SPAG16: variants seen among roughly 807,000 people sequenced by gnomAD.
SPAG16 encodes the protein sperm-associated antigen 16 protein.
In SPAG16, 86 loss-of-function variants were observed where a neutral mutation model predicts 80.4. The ratio of observed to expected loss-of-function variants is 1.07; its 90% CI spans 0.90 to 1.28. The LOEUF (loss-of-function observed/expected upper bound fraction) is 1.28. Ranked by LOEUF, SPAG16 falls within the 50% of genes most tolerant of loss-of-function variation. The probability of loss-of-function intolerance (pLI) is 0.00; values close to 1 mark genes in which losing one functional copy is unlikely to be tolerated. For missense variants in SPAG16, 870 were observed against 765.3 expected (o/e 1.14, Z -1.61); for synonymous variants, 294 against 265.9 (o/e 1.11, Z -1.03).
At chr2:213,894,648 A>G (rs2106095048) in intron 11 of SPAG16, among the ~76,000 whole-genome samples, 1 of 152,276 alleles carries the variant, frequency 6.6e-6, no homozygotes, top group South Asian at 2.1e-4. Context: ...TTGGAATGGA[A>G]TAAGTCAAAT....
intron 11 of SPAG16, among the ~76,000 whole-genome samples, chr2:213,896,584 A>ACACACG (rs1553657324): frequency 9.6e-5 from 7 of 73,206 alleles, no homozygotes; most frequent in African/African-American, 2.4e-4. Context: ...ATATATACAC[A>ACACACG]CACACACGCA....
At chr2:213,477,730 G>T (rs984727233) in intron 9 of SPAG16, among the ~76,000 whole-genome samples, 1 of 152,188 alleles carries the variant, frequency 6.6e-6, no homozygotes, top group African/African-American at 2.4e-5. Context: ...GAAGGGACTT[G>T]CCTTGTCTCA....
At chr2:213,381,211 A>G (rs1398272507) in intron 9 of SPAG16, among the ~76,000 whole-genome samples, 1 of 152,180 alleles carries the variant, frequency 6.6e-6, no homozygotes, top group Non-Finnish European at 1.5e-5. Flanking sequence ...TTCTAATTAT[A>G]TCTGAAAGGT....
At chr2:213,642,168 G>A (rs528469342) in intron 10 of SPAG16, among the ~76,000 whole-genome samples, 28 of 152,276 alleles carry the variant, frequency 1.8e-4, no homozygotes, top group East Asian at 3.9e-4. Context: ...CTTTGGGAAC[G>A]CACAATGTTT....
At chr2:214,149,367 A>C in intron 15 of SPAG16, 101 bp downstream of exon 15, 1 of 1,163,512 alleles carries the variant, frequency 8.6e-7, no homozygotes, top group Non-Finnish European at 1.1e-6. Flanking sequence ...TTCTACGTAA[A>C]TGTCTGTTCT....
intron 11 of SPAG16, among the ~76,000 whole-genome samples, chr2:213,903,829 T>C (rs556808783): frequency 6.6e-6 from 1 of 152,224 alleles, no homozygotes; most frequent in Non-Finnish European, 1.5e-5. Flanking sequence ...GCTGAATGTT[T>C]CGCTGCTTAG....
chr2:213,372,298 A>G (rs2066682518), intron 8 of SPAG16, among the ~76,000 whole-genome samples: 1 of 152,108 alleles, frequency 6.6e-6, no homozygotes, highest in African/African-American at 2.4e-5. Flanking sequence ...CTTATAATGT[A>G]TAGGAAATTA....
At chr2:213,324,863 C>T (rs987330235) in intron 5 of SPAG16, among the ~76,000 whole-genome samples, 3 of 152,110 alleles carry the variant, frequency 2.0e-5, no homozygotes, top group African/African-American at 7.2e-5. Flanking sequence ...AGTAGGAATA[C>T]ATGCGAATTC....
intron 15 of SPAG16, among the ~76,000 whole-genome samples, chr2:214,159,070 CAAG>C (rs1218407498): frequency 4.0e-5 from 6 of 151,830 alleles, no homozygotes; most frequent in Non-Finnish European, 8.8e-5. Flanking sequence ...ATCATCTAGG[CAAG>C]AAACTACTCC....
intron 14 of SPAG16, among the ~76,000 whole-genome samples, chr2:214,109,210 A>G (rs184193392): frequency 2.0e-4 from 31 of 152,244 alleles, no homozygotes; most frequent in Admixed American, 1.4e-3. Flanking sequence ...AAAGTTATCC[A>G]GTTTGTGGTT....
intron 14 of SPAG16, among the ~76,000 whole-genome samples, chr2:214,145,043 T>C (rs1231965505): frequency 6.6e-6 from 1 of 152,134 alleles, no homozygotes. Context: ...AATATTTGTT[T>C]TAAAAAATTA....
intron 10 of SPAG16, among the ~76,000 whole-genome samples, chr2:213,498,730 T>C (rs1310447686): frequency 6.6e-6 from 1 of 152,156 alleles, no homozygotes; most frequent in Non-Finnish European, 1.5e-5. Flanking sequence ...CTTTCTCCCA[T>C]TTTATTTAAT....
At chr2:214,222,757 A>G (rs1478759942) in intron 15 of SPAG16, among the ~76,000 whole-genome samples, 4 of 152,194 alleles carry the variant, frequency 2.6e-5, no homozygotes, top group East Asian at 3.9e-4. Flanking sequence ...AGGACTGTCT[A>G]TCCATGGATT....
intron 9 of SPAG16, among the ~76,000 whole-genome samples, chr2:213,381,753 A>G (rs1465387997): frequency 6.6e-6 from 1 of 152,170 alleles, no homozygotes; most frequent in Non-Finnish European, 1.5e-5. Context: ...GCCACTAACC[A>G]TTTCCTTAGA....
intron 12 of SPAG16, among the ~76,000 whole-genome samples, chr2:213,972,891 A>G (rs1362308255): frequency 1.3e-5 from 2 of 152,034 alleles, no homozygotes; most frequent in East Asian, 3.9e-4. Flanking sequence ...CACTCTTCTG[A>G]TGGCATCTAT....
rs1457642016 is a variant in SPAG16 at position 214,289,734 on chromosome 2, A to G, written c.1721-120406A>G. Among the ~76,000 whole-genome samples, 3 of 151,520 alleles carry G rather than the reference A, an allele frequency of 2.0e-5. No individual in the cohort carries two copies. The East Asian group carries it at 5.8e-4, about 29-fold the overall frequency. ...CTTGCTCTTTTTTGGTTTGATATGA[A>G]TTCTATAATTTTTTTTAATTCTGTG... On this transcript the variant is annotated intron_variant, in intron 15 of 15. Transcript: ENST00000331683.
chr2:214,026,248 T>C (rs540153677), intron 13 of SPAG16, among the ~76,000 whole-genome samples: 1 of 151,336 alleles, frequency 6.6e-6, no homozygotes, highest in East Asian at 1.9e-4. Context: ...ACATATTATA[T>C]TATATATACA....
intron 10 of SPAG16, among the ~76,000 whole-genome samples, chr2:213,776,665 G>A (rs779919589): frequency 4.6e-5 from 7 of 151,872 alleles, no homozygotes; most frequent in Non-Finnish European, 7.4e-5. Context: ...TGTTTAGTTC[G>A]CTAGGTTAGT....
intron 9 of SPAG16, among the ~76,000 whole-genome samples, chr2:213,469,590 T>C (rs2125651134): frequency 6.7e-6 from 1 of 149,060 alleles, no homozygotes; most frequent in Non-Finnish European, 1.5e-5. Context: ...TTTTTTTTTT[T>C]TTTTTTCCTG....
Sources: allele counts gnomAD v4.1 joint callset (sites outside exome capture counted in the v4.1 genomes callset), GRCh38; gene constraint gnomAD v4.1.1; transcripts MANE v1.5; gene names NCBI Gene and HGNC (gene_info 2026-07-23, HGNC 2026-07-21).